Variants in HEPHL1 observed in about 807,000 individuals in gnomAD.
HEPHL1 encodes ferroxidase HEPHL1.
A neutral mutation model predicts 122.0 loss-of-function variants in HEPHL1; 123 were observed. The observed-to-expected ratio is 1.01, with a 90% CI of 0.87 to 1.17. The LOEUF (loss-of-function observed/expected upper bound fraction) is 1.17, where lower values mean the gene tolerates loss of function less well. HEPHL1 is among the 50% of genes most tolerant of loss of function. The probability of loss-of-function intolerance (pLI) is 0.00; values close to 1 mark genes in which losing one functional copy is unlikely to be tolerated. For synonymous variants in HEPHL1, 527 were observed against 508.9 expected (o/e 1.04, Z -0.48); for missense variants, 1,452 against 1,430.5 (o/e 1.01, Z -0.24).
Position 94,063,613 on chromosome 11 carries a change from C to T in HEPHL1, c.521C>T (p.Pro174Leu). The change falls in exon 3 of 20, where the codon CCT becomes CTT. Residue 174 changes from proline to leucine, a missense_variant. Pro to Leu is a moderately conservative substitution (Grantham distance 98). Coordinates refer to ENST00000315765, the MANE Select transcript of HEPHL1 (RefSeq NM_001098672.2). ...TGGCCGGTGAGAGAAGAATATGCAC[C>T]TACTCCAGCCGATGCCAACTGCCTG... ...YVWPVREEYA[P>L]TPADANCLTW... is the part of the protein sequence containing the mutation. 2 of 1,613,764 alleles carry T rather than the reference C, an allele frequency of 1.2e-6. No individual in the cohort carries two copies. The highest frequency in any genetic ancestry group is 1.1e-5 in the South Asian group (1 of 91,078).
intron 1 of HEPHL1, among the ~76,000 whole-genome samples, chr11:94,023,804 G>A (rs559331860): frequency 7.2e-5 from 11 of 152,316 alleles, no homozygotes; most frequent in Admixed American, 3.3e-4. Flanking sequence ...TGCAGTGGAC[G>A]TTGGCTTTTA....
intron 13 of HEPHL1, among the ~76,000 whole-genome samples, chr11:94,100,376 C>T (rs1946358820): frequency 6.6e-6 from 1 of 152,154 alleles, no homozygotes; most frequent in South Asian, 2.1e-4. Flanking sequence ...TCAGGCACTT[C>T]TGAAATGGGA....
chr11:94,086,803 C>G (rs1416277030), intron 11 of HEPHL1, among the ~76,000 whole-genome samples: 1 of 152,184 alleles, frequency 6.6e-6, no homozygotes, highest in Non-Finnish European at 1.5e-5. Flanking sequence ...ATAATTGGGG[C>G]GTTTTCATAA....
At chr11:94,093,700 CAT>C (rs1565360364) in intron 13 of HEPHL1, 60 bp downstream of exon 13, 2 of 1,534,554 alleles carry the variant, frequency 1.3e-6, no homozygotes, top group Non-Finnish European at 1.8e-6. Context: ...CACACATACT[CAT>C]GTGTTCTGTT....
rs555998699 is a variant in HEPHL1 at position 94,045,068 on chromosome 11, G to A, written c.171-605G>A. Among the ~76,000 whole-genome samples the A allele has an allele frequency of 3.9e-5, 6 of 152,190 alleles. No individual in the cohort carries two copies. In the East Asian group the frequency reaches 5.8e-4, roughly 15 times the overall value. ...CTACAGGCGGCCCACCACCATGCTC[G>A]GCTTTTTTGTTTGTTTGTTTGCAGA... On this transcript the variant is annotated intron_variant, in intron 1 of 19. Transcript: ENST00000315765.
chr11:94,084,780 G>A (rs890253224), intron 10 of HEPHL1, among the ~76,000 whole-genome samples: 1 of 151,876 alleles, frequency 6.6e-6, no homozygotes, highest in Non-Finnish European at 1.5e-5. Flanking sequence ...CATTATCAAA[G>A]ATTTTTTTTT....
intron 2 of HEPHL1, among the ~76,000 whole-genome samples, chr11:94,056,705 CTATA>C (rs1945940543): frequency 6.6e-6 from 1 of 151,694 alleles, no homozygotes; most frequent in African/African-American, 2.4e-5. Context: ...ATCTATCTAT[CTATA>C]ATGCCCTTCT....
At chr11:94,049,498 A>G (rs529859098) in intron 2 of HEPHL1, among the ~76,000 whole-genome samples, 1 of 152,112 alleles carries the variant, frequency 6.6e-6, no homozygotes, top group South Asian at 2.1e-4. Flanking sequence ...ACTACTGGGC[A>G]TTTATCCAAA....
chr11:94,031,366 AC>A (rs1252854686), intron 1 of HEPHL1, among the ~76,000 whole-genome samples: 2 of 150,348 alleles, frequency 1.3e-5, no homozygotes, highest in Admixed American at 6.6e-5. Context: ...ACACACACAC[AC>A]ACAAATGGGA....
At chr11:94,102,447 C>A (rs1946375089) in intron 14 of HEPHL1, among the ~76,000 whole-genome samples, 1 of 152,182 alleles carries the variant, frequency 6.6e-6, no homozygotes, top group African/African-American at 2.4e-5. Flanking sequence ...TTTTAAAAAA[C>A]ACTGGCACCA....
chr11:94,061,757 G>T (rs1945986661), intron 2 of HEPHL1, among the ~76,000 whole-genome samples: 1 of 152,124 alleles, frequency 6.6e-6, no homozygotes, highest in South Asian at 2.1e-4. Context: ...GTTTTAAAAA[G>T]AATGTTTTTG....
rs773849699 is a variant in HEPHL1 at position 94,067,514 on chromosome 11, T to G, written c.827T>G (p.Phe276Cys). The G allele has an allele frequency of 3.1e-6, 5 of 1,613,472 alleles. No homozygotes were observed. The South Asian group carries it at 5.5e-5, about 18-fold the overall frequency. ...NKMHALNGYL[F>C]GNFPEPDMCV... ...TTTCCAGCCCTCAATGGATACCTCT[T>G]CGGAAACTTCCCGGAGCCTGATATG... is the stretch of plus-strand genomic sequence containing the variant. The change falls in exon 5 of 20, where the codon TTC becomes TGC. Residue 276 changes from phenylalanine to cysteine, a missense_variant. Coordinates refer to ENST00000315765, the MANE Select transcript of HEPHL1 (RefSeq NM_001098672.2).
rs4644614 is a variant in HEPHL1, at chr11:94,112,345, A to G, written c.*451A>G. 1 allele frequency: 152,245 copies of G among 152,778 alleles called. 75,873 individuals carry two copies. The highest frequency in any genetic ancestry group is 1 in the Middle Eastern group (298 of 298). The allele number at this position is 152,778 out of a possible 1,614,324, so 9.5% of individuals were successfully genotyped here. On this transcript the variant is annotated 3_prime_UTR_variant, in exon 20 of 20. Transcript: ENST00000315765. ...TTTTCAACATTGTTGCATAACATGC[A>G]TCCCTTGGTTCTGTGGAAAATATCT...
intron 10 of HEPHL1, among the ~76,000 whole-genome samples, chr11:94,083,090 A>AAC (rs934688257): frequency 2.0e-5 from 3 of 151,970 alleles, no homozygotes; most frequent in African/African-American, 7.2e-5. Flanking sequence ...GTCTAAAAAA[A>AAC]AAAAAAAAAA....
rs1946379024 is a variant in HEPHL1, at chr11:94,102,912, A to C, written c.2576-2A>C. 2.0e-6 allele frequency: 3 copies of C among 1,481,482 alleles called. No homozygotes were observed. Among genetic ancestry groups the C allele is most frequent in the South Asian group, 1.2e-5 (1 of 86,870 alleles). The allele number at this position is 1,481,482 out of a possible 1,614,324, so 91.8% of individuals were successfully genotyped here. ...AAATTTTTTCCATTTCATTTATTAC[A>C]GGAGAAGTAAAAACTTATAGATGGA... On this transcript the variant is annotated splice_acceptor_variant, in intron 14 of 19. Transcript: ENST00000315765. LOFTEE classifies it high-confidence loss of function.
intron 8 of HEPHL1, 104 bp downstream of exon 8, chr11:94,073,543 G>C: frequency 9.2e-7 from 1 of 1,083,078 alleles, no homozygotes; most frequent in South Asian, 1.6e-5. Flanking sequence ...TACCTGCCCT[G>C]AGAGCTTGGG....
Position 94,101,215 on chromosome 11 carries a change from G to C in HEPHL1, c.2455G>C (p.Val819Leu). Reference protein sequence around the residue: ...ELLGPMIHAEVGNTVLIIFKN... With the variant: ...ELLGPMIHAELGNTVLIIFKN... ...TTTAGGCCCAATGATTCATGCTGAGGTGGGCAACACCGTCCTGATCATATT... is the reference window on the plus strand; with the variant it reads ...TTTAGGCCCAATGATTCATGCTGAGCTGGGCAACACCGTCCTGATCATATT... The change falls in exon 14 of 20, where the codon GTG (valine) becomes CTG (leucine). Residue 819 changes from valine (V) to leucine (L), a missense_variant. Coordinates refer to ENST00000315765, the MANE Select transcript of HEPHL1 (RefSeq NM_001098672.2). The C allele has an allele frequency of 6.2e-7, 1 of 1,613,916 alleles. No homozygotes were observed. Among genetic ancestry groups the C allele is most frequent in the Non-Finnish European group, 8.5e-7 (1 of 1,179,830 alleles).
chr11:94,060,145 T>C (rs898575947), intron 2 of HEPHL1, among the ~76,000 whole-genome samples: 17 of 116,406 alleles, frequency 1.5e-4, no homozygotes, highest in African/African-American at 3.1e-4. Context: ...TATATATATA[T>C]ATATACACGC....
intron 13 of HEPHL1, among the ~76,000 whole-genome samples, chr11:94,097,953 T>A (rs1408866254): frequency 1.3e-5 from 2 of 149,646 alleles, no homozygotes; most frequent in African/African-American, 4.9e-5. Context: ...CACTGATGGG[T>A]CTTGACTCTT....
Sources: allele counts gnomAD v4.1 joint callset (sites outside exome capture counted in the v4.1 genomes callset), GRCh38; gene constraint gnomAD v4.1.1; transcripts MANE v1.5; gene names NCBI Gene and HGNC (gene_info 2026-07-23, HGNC 2026-07-21).